MDGA2: variants seen among roughly 807,000 people sequenced by gnomAD.
MDGA2 encodes the protein MAM domain containing glycosylphosphatidylinositol anchor 2.
A neutral mutation model predicts 117.8 loss-of-function variants in MDGA2; 40 were observed. That is an observed-to-expected ratio of 0.34 (90% confidence interval 0.26 to 0.44). MDGA2 has a LOEUF of 0.44. MDGA2 is among the 20% of genes least tolerant of loss of function. The pLI is 1.00. For missense variants in MDGA2, 1,123 were observed against 1,250.6 expected, an observed-to-expected ratio of 0.90 and a Z score of 1.54; for synonymous variants, 452 against 439.0, an observed-to-expected ratio of 1.03 and a Z score of -0.37.
chr14:46,920,693 T>C (rs1362407284), intron 9 of MDGA2, among the ~76,000 whole-genome samples: 11 of 152,170 alleles, frequency 7.2e-5, no homozygotes, highest in East Asian at 3.9e-4. Flanking sequence ...TGGGAGGAGA[T>C]AAAAACCACA....
chr14:47,530,201 T>C (rs1895066562), intron 1 of MDGA2, among the ~76,000 whole-genome samples: 1 of 152,188 alleles, frequency 6.6e-6, no homozygotes, highest in Non-Finnish European at 1.5e-5. Flanking sequence ...GGGCGCCTGT[T>C]CATATGGATA....
intron 8 of MDGA2, 83 bp downstream of exon 8, chr14:47,034,928 A>G: frequency 7.9e-7 from 1 of 1,258,226 alleles, no homozygotes; most frequent in South Asian, 1.4e-5. Flanking sequence ...AGTTACAAAA[A>G]TCACCTCATA....
At chr14:47,059,232 A>G (rs1273834355) in intron 7 of MDGA2, 2 of 982,770 alleles carry the variant, frequency 2.0e-6, no homozygotes, top group Non-Finnish European at 1.4e-6. Flanking sequence ...TATTGAGATT[A>G]TAGCAATGAG....
chr14:47,228,400 T>C (rs962118451), intron 2 of MDGA2, among the ~76,000 whole-genome samples: 1 of 152,024 alleles, frequency 6.6e-6, no homozygotes, highest in Non-Finnish European at 1.5e-5. Flanking sequence ...TTTATGATGG[T>C]GTGAAAACAA....
chr14:46,994,540 C>T (rs981605536), intron 8 of MDGA2, among the ~76,000 whole-genome samples: 8 of 150,414 alleles, frequency 5.3e-5, no homozygotes, highest in African/African-American at 1.7e-4. Flanking sequence ...CACACACACA[C>T]ACTCAAAACA....
At chr14:47,595,565 A>AAC (rs1566532701) in intron 1 of MDGA2, among the ~76,000 whole-genome samples, 1 of 112,026 alleles carries the variant, frequency 8.9e-6, no homozygotes, top group African/African-American at 4.6e-5. Context: ...AACAAAAAAA[A>AAC]AAAAAACCCA....
chr14:47,603,231 T>C (rs1404915525), intron 1 of MDGA2, among the ~76,000 whole-genome samples: 4 of 152,218 alleles, frequency 2.6e-5, no homozygotes, highest in Admixed American at 2.6e-4. Context: ...ATCCTAATTT[T>C]TCCTGTCTCA....
intron 10 of MDGA2, among the ~76,000 whole-genome samples, chr14:46,918,393 A>G (rs1883982923): frequency 6.6e-6 from 1 of 152,196 alleles, no homozygotes; most frequent in Non-Finnish European, 1.5e-5. Flanking sequence ...AGGTTATAAA[A>G]TATTAGCTGT....
At chr14:47,440,800 A>G (rs1431825537) in intron 1 of MDGA2, among the ~76,000 whole-genome samples, 2 of 152,038 alleles carry the variant, frequency 1.3e-5, no homozygotes, top group Non-Finnish European at 2.9e-5. Flanking sequence ...TTCATGGGGG[A>G]AATATGTGAT....
At chr14:47,433,925 G>C (rs1381135854) in intron 1 of MDGA2, among the ~76,000 whole-genome samples, 3 of 152,072 alleles carry the variant, frequency 2.0e-5, no homozygotes, top group Non-Finnish European at 4.4e-5. Flanking sequence ...GCATGTGTTT[G>C]AAAATTTAAT....
At chr14:47,520,152 C>T (rs7156112) in intron 1 of MDGA2, among the ~76,000 whole-genome samples, 114,543 of 152,150 alleles carry the variant, frequency 0.75, 43,547 homozygotes, top group East Asian at 1. Context: ...ATCACATCAT[C>T]AAATCACCTA....
At position 46,855,055 on chromosome 14, in the gene MDGA2, T is replaced by C. The variant is rs761166660; in HGVS notation, c.2852A>G (p.His951Arg). Residue 951 changes from histidine to arginine, a missense_variant, in exon 15 of 17, where the codon CAT becomes CGT. Transcript: ENST00000399232. The surrounding 1 kb of genome is among the most constrained non-coding windows in gnomAD (Gnocchi z 4.1). ...GNKGQRWNEA[H>R]VNIYPITSFQ... ...TGAAGTAATTGGGTATATATTAACA[T>C]GAGCCTCATTCCATCTTTGTCCTTT... 2 of 1,611,056 alleles carry C rather than the reference T, an allele frequency of 1.2e-6. No homozygotes were observed. The highest frequency in any genetic ancestry group is 1.7e-6 in the Non-Finnish European group (2 of 1,178,534).
intron 3 of MDGA2, among the ~76,000 whole-genome samples, chr14:47,153,611 T>G (rs1259312663): frequency 1.3e-5 from 2 of 149,728 alleles, no homozygotes; most frequent in Admixed American, 6.7e-5. Flanking sequence ...TGGAGGGGAA[T>G]GGACCACTCA....
chr14:47,528,852 C>G (rs1020399809), intron 1 of MDGA2, among the ~76,000 whole-genome samples: 14 of 152,034 alleles, frequency 9.2e-5, no homozygotes, highest in African/African-American at 3.4e-4. Flanking sequence ...TCTTGTAAAA[C>G]AATCTATCTA....
intron 1 of MDGA2, among the ~76,000 whole-genome samples, chr14:47,430,382 A>C (rs1049696666): frequency 1.3e-5 from 2 of 152,022 alleles, no homozygotes; most frequent in African/African-American, 4.8e-5. Flanking sequence ...GAATATCAAG[A>C]TTATGTCTGT....
rs537697634 is a variant in MDGA2 at position 47,163,190 on chromosome 14, A to G, written c.596-18916T>C. On this transcript the variant is annotated intron_variant, in intron 3 of 16. Transcript: ENST00000399232. ...CCTGCTCCATGGACCAGTGGTGAAG[A>G]GGCAGACTAGCCTCTTCTGAAGAAC... 3.3e-5 allele frequency among the ~76,000 whole-genome samples: 5 copies of G among 152,306 alleles called. No individual in the cohort carries two copies. In the East Asian group the frequency reaches 9.7e-4, roughly 29 times the overall value.
At chr14:47,084,036 A>G (rs1201244541) in intron 6 of MDGA2, among the ~76,000 whole-genome samples, 2 of 152,138 alleles carry the variant, frequency 1.3e-5, no homozygotes, top group African/African-American at 4.8e-5. Context: ...TAACCAATCA[A>G]CAAAGATATT....
chr14:47,453,901 A>G (rs1893291928), intron 1 of MDGA2, among the ~76,000 whole-genome samples: 1 of 152,174 alleles, frequency 6.6e-6, no homozygotes, highest in Non-Finnish European at 1.5e-5. Context: ...CATGAACTAG[A>G]GTTAGCTGAT....
At chr14:46,955,173 T>C (rs1566543510) in intron 9 of MDGA2, among the ~76,000 whole-genome samples, 1 of 152,040 alleles carries the variant, frequency 6.6e-6, no homozygotes, top group Non-Finnish European at 1.5e-5. Flanking sequence ...TACAGAACTA[T>C]TAAAATAGAA....
Sources: gnomAD v4.1 joint callset for allele counts (sites outside exome capture counted in the v4.1 genomes callset) on GRCh38, gnomAD v4.1.1 for gene constraint, Gnocchi (gnomAD v3.1) non-coding constraint, MANE v1.5 for transcripts, NCBI Gene and HGNC (gene_info 2026-07-23, HGNC 2026-07-21) for gene names.